Variants in MICU2 observed in about 807,000 individuals in gnomAD.
The protein encoded by MICU2 is mitochondrial calcium uptake 2, also known as calcium uptake protein 2, mitochondrial.
A neutral mutation model predicts 60.4 loss-of-function variants in MICU2; 64 were observed. The observed-to-expected ratio is 1.06, with a 90% CI of 0.87 to 1.31. The LOEUF is 1.31. Ranked by LOEUF, MICU2 falls within the 50% of genes most tolerant of loss-of-function variation. The probability of loss-of-function intolerance (pLI) is 0.00; values close to 1 mark genes in which losing one functional copy is unlikely to be tolerated. For missense variants in MICU2, 569 were observed against 531.0 expected (o/e 1.07, Z -0.70); for synonymous variants, 201 against 175.0 (o/e 1.15, Z -1.17).
At chr13:21,503,475 T>C (rs970906509) in intron 8 of MICU2, among the ~76,000 whole-genome samples, 8 of 152,320 alleles carry the variant, frequency 5.3e-5, no homozygotes, top group Non-Finnish European at 1.0e-4. Context: ...TCAGATAAAT[T>C]TAAAATTGAG....
chr13:21,567,579 T>C (rs1426029783), intron 1 of MICU2, among the ~76,000 whole-genome samples: 5 of 152,076 alleles, frequency 3.3e-5, no homozygotes, highest in Admixed American at 2.0e-4. Flanking sequence ...GAACCATGGG[T>C]AGAAAGAGCT....
At chr13:21,513,133 A>AT (rs960926569) in intron 7 of MICU2, among the ~76,000 whole-genome samples, 106 of 149,502 alleles carry the variant, frequency 7.1e-4, no homozygotes, top group Non-Finnish European at 7.7e-4. Flanking sequence ...TTGTTTTGTG[A>AT]TTTTTTTTTT....
chr13:21,496,214 T>C (rs1885993757), intron 9 of MICU2, 54 bp from the exon 10 acceptor site: 4 of 1,323,496 alleles, frequency 3.0e-6, no homozygotes, highest in South Asian at 1.2e-5. Flanking sequence ...AATAATCTTA[T>C]AAATGTTAAC....
At chr13:21,544,516 G>GGA (rs1555273297) in intron 2 of MICU2, among the ~76,000 whole-genome samples, 7 of 77,390 alleles carry the variant, frequency 9.0e-5, no homozygotes, top group African/African-American at 3.6e-4. Context: ...ATAAACACAT[G>GGA]AAAAAAAAAA....
chr13:21,499,533 C>T (rs1174749254), intron 9 of MICU2, among the ~76,000 whole-genome samples: 1 of 151,888 alleles, frequency 6.6e-6, no homozygotes, highest in Non-Finnish European at 1.5e-5. Flanking sequence ...GCCTCTGCCT[C>T]CCGAGTAGCT....
chr13:21,525,181 A>ATTTTTTTTTTTTTTTTTTTTT, intron 4 of MICU2, among the ~76,000 whole-genome samples: 1 of 83,300 alleles, frequency 1.2e-5, no homozygotes, highest in Non-Finnish European at 2.2e-5. Context: ...GTGTAATTCA[A>ATTTTTTTTTTTTTTTTTTTTT]TTTTTTTTTT....
At position 21,539,364 on chromosome 13, in the gene MICU2, G is replaced by A. The variant is rs770556200; in HGVS notation, c.404C>T (p.Thr135Ile). The change falls in exon 4 of 12, where the codon ACA becomes ATA. Residue 135 changes from threonine to isoleucine, a missense_variant. By Grantham distance (89) the Thr-to-Ile change is moderately conservative. Transcript: ENST00000382374. ...KKLTKKDIED[T>I]LSGIQTAGCG... ...GCCAGCTGTTTGGATCCCTGACAGT[G>A]TATCCTCGATGTCCTTTGAATACAC... 1 of 1,613,828 alleles carries A rather than the reference G, an allele frequency of 6.2e-7. No homozygotes were observed. Among genetic ancestry groups the A allele is most frequent in the South Asian group, 1.1e-5 (1 of 91,022 alleles).
Position 21,517,791 on chromosome 13 carries a change from A to G in MICU2, c.598-3373T>C, listed in dbSNP as rs1028092097. 2.2e-3 allele frequency among the ~76,000 whole-genome samples: 215 copies of G among 98,020 alleles called. 2 individuals are homozygous for G. The highest frequency in any genetic ancestry group is 2.5e-3 in the African/African-American group (66 of 26,628). The allele number at this position is 98,020 out of a possible 152,430, so 64.3% of individuals were successfully genotyped here. ...CGAGGACACACACACACACACACAC[A>G]CACACACACGCGCGCGCGCGCGCAC... On this transcript the variant is annotated intron_variant, in intron 6 of 11. Transcript: ENST00000382374.
chr13:21,539,177 T>G, intron 4 of MICU2, 125 bp downstream of exon 4: 1 of 773,710 alleles, frequency 1.3e-6, no homozygotes, highest in East Asian at 2.8e-5. Flanking sequence ...AAAAGTTACC[T>G]CCTTACTTCA....
chr13:21,495,872 T>C, intron 10 of MICU2, 180 bp downstream of exon 10: 6 of 525,016 alleles, frequency 1.1e-5, no homozygotes, highest in East Asian at 3.3e-5. Flanking sequence ...AATAAAAGTA[T>C]AGAAAGTAAC....
chr13:21,500,392 C>A (rs994214516), intron 9 of MICU2, among the ~76,000 whole-genome samples: 1 of 150,034 alleles, frequency 6.7e-6, no homozygotes, highest in Non-Finnish European at 1.5e-5. Context: ...AATCTCAGAC[C>A]GTTTAAAGTT....
chr13:21,544,636 T>C (rs570470836), intron 2 of MICU2, among the ~76,000 whole-genome samples: 244 of 151,368 alleles, frequency 1.6e-3, no homozygotes, highest in African/African-American at 5.6e-3. Flanking sequence ...AAAAATAAAC[T>C]CTTGCAAGGA....
intron 1 of MICU2, among the ~76,000 whole-genome samples, chr13:21,602,056 C>T (rs1277554421): frequency 6.6e-6 from 1 of 150,606 alleles, no homozygotes; most frequent in Non-Finnish European, 1.5e-5. Flanking sequence ...TTGTAGTGAG[C>T]CGGGATCACG....
chr13:21,573,272 ATTTTTTTGTTTT>A (rs66941223), intron 1 of MICU2, among the ~76,000 whole-genome samples: 61,488 of 150,384 alleles, frequency 0.41, 13,187 homozygotes, highest in East Asian at 0.66. Context: ...GTTAACATAC[ATTTTTTTGTTTT>A]TTTTTTTGAG....
At chr13:21,517,861 G>GA (rs1361710429) in intron 6 of MICU2, among the ~76,000 whole-genome samples, 1 of 151,872 alleles carries the variant, frequency 6.6e-6, no homozygotes, top group Non-Finnish European at 1.5e-5. Flanking sequence ...TCATGGAAGT[G>GA]AAAAAACTAT....
chr13:21,538,519 G>C (rs1887191114), intron 4 of MICU2, among the ~76,000 whole-genome samples: 1 of 136,994 alleles, frequency 7.3e-6, no homozygotes, highest in Admixed American at 8.4e-5. Flanking sequence ...AGCTATGACT[G>C]CGCCACTGCA....
intron 6 of MICU2, among the ~76,000 whole-genome samples, chr13:21,520,346 T>C (rs1886685984): frequency 1.3e-5 from 2 of 152,242 alleles, no homozygotes; most frequent in African/African-American, 2.4e-5. Context: ...GGATATATGT[T>C]ACTTTAAAAG....
chr13:21,572,586 T>C (rs923969988), intron 1 of MICU2, among the ~76,000 whole-genome samples: 2 of 152,194 alleles, frequency 1.3e-5, no homozygotes, highest in African/African-American at 4.8e-5. Context: ...ATACCTAAAG[T>C]TATAATTGGC....
chr13:21,543,577 T>C (rs1308356625), intron 2 of MICU2, among the ~76,000 whole-genome samples: 3 of 151,834 alleles, frequency 2.0e-5, no homozygotes, highest in Non-Finnish European at 4.4e-5. Context: ...CAAAAACACA[T>C]ACACACAAAA....
Sources: gnomAD v4.1 joint callset for allele counts (sites outside exome capture counted in the v4.1 genomes callset) on GRCh38, gnomAD v4.1.1 for gene constraint, MANE v1.5 for transcripts, NCBI Gene and HGNC (gene_info 2026-07-23, HGNC 2026-07-21) for gene names.